Variants in TMEM163 observed in about 807,000 individuals in gnomAD.
TMEM163 encodes the protein transmembrane protein 163.
TMEM163 carries 17 observed loss-of-function variants against 29.3 expected under a neutral mutation model. The observed-to-expected ratio is 0.58, with a 90% CI of 0.40 to 0.87. The LOEUF (loss-of-function observed/expected upper bound fraction) is 0.87, where lower values mean the gene tolerates loss of function less well. TMEM163 is among the 40% of genes least tolerant of loss of function. The pLI, the probability that TMEM163 is intolerant of heterozygous loss-of-function variation, is 0.00. For missense variants in TMEM163, 303 were observed against 381.5 expected, an observed-to-expected ratio of 0.79 and a Z score of 1.71; for synonymous variants, 157 against 160.6, an observed-to-expected ratio of 0.98 and a Z score of 0.17.
intron 4 of TMEM163, among the ~76,000 whole-genome samples, chr2:134,545,938 CTCT>C (rs530398170): frequency 2.6e-5 from 4 of 152,174 alleles, no homozygotes; most frequent in South Asian, 2.1e-4. Flanking sequence ...ACTTTATTCT[CTCT>C]TCTTAGAACC....
chr2:134,531,639 T>C (rs1680418459), intron 4 of TMEM163, among the ~76,000 whole-genome samples: 1 of 152,126 alleles, frequency 6.6e-6, no homozygotes, highest in African/African-American at 2.4e-5. Context: ...TTATGAAGGA[T>C]TACAGAGGAT....
intron 2 of TMEM163, among the ~76,000 whole-genome samples, chr2:134,704,464 TTCCAGGTCCG>T (rs1418881549): frequency 1.3e-5 from 2 of 152,112 alleles, no homozygotes; most frequent in Non-Finnish European, 2.9e-5. Context: ...CCATCTCAGC[TTCCAGGTCCG>T]TGTGGGACAA....
At chr2:134,509,654 A>C (rs1449063050) in intron 4 of TMEM163, among the ~76,000 whole-genome samples, 2 of 152,270 alleles carry the variant, frequency 1.3e-5, no homozygotes, top group African/African-American at 4.8e-5. Context: ...TAAGGCAAAC[A>C]AAATCTATAC....
chr2:134,692,894 C>T (rs1684502216), intron 2 of TMEM163, among the ~76,000 whole-genome samples: 1 of 152,202 alleles, frequency 6.6e-6, no homozygotes. Context: ...TCCCAGGCTA[C>T]TTCACCCATC....
At chr2:134,508,197 T>A (rs1467414446) in intron 4 of TMEM163, among the ~76,000 whole-genome samples, 1 of 152,178 alleles carries the variant, frequency 6.6e-6, no homozygotes, top group Non-Finnish European at 1.5e-5. Context: ...TCTAGGTTAC[T>A]TCCTATCAGA....
chr2:134,704,435 C>G (rs1172537589), intron 2 of TMEM163, among the ~76,000 whole-genome samples: 1 of 152,094 alleles, frequency 6.6e-6, no homozygotes, highest in African/African-American at 2.4e-5. Context: ...TGGTCTGGTC[C>G]CCATGCTTCA....
chr2:134,609,774 C>A (rs1342919398), intron 2 of TMEM163, among the ~76,000 whole-genome samples: 2 of 77,756 alleles, frequency 2.6e-5, no homozygotes, highest in East Asian at 7.5e-4. Flanking sequence ...GAGAACTGTA[C>A]TGGTGAAAAG....
chr2:134,666,244 C>T (rs1396625236), intron 2 of TMEM163, among the ~76,000 whole-genome samples: 1 of 151,858 alleles, frequency 6.6e-6, no homozygotes, highest in Non-Finnish European at 1.5e-5. Context: ...TCATCTCCCC[C>T]AATCCTTTCC....
chr2:134,494,707 C>T (rs2106483852), intron 5 of TMEM163, among the ~76,000 whole-genome samples: 1 of 152,320 alleles, frequency 6.6e-6, no homozygotes, highest in East Asian at 1.9e-4. Context: ...TCTTAACAAT[C>T]CTATAAAGAA....
intron 4 of TMEM163, 93 bp from the exon 5 acceptor site, chr2:134,503,090 A>G: frequency 8.0e-7 from 1 of 1,251,770 alleles, no homozygotes; most frequent in Non-Finnish European, 1.1e-6. Context: ...ACAATCTGGG[A>G]ATGAACTCAA....
intron 2 of TMEM163, among the ~76,000 whole-genome samples, chr2:134,691,738 C>T (rs1684473707): frequency 2.0e-5 from 3 of 152,136 alleles, no homozygotes; most frequent in Admixed American, 1.3e-4. Flanking sequence ...TCTGCAGAGT[C>T]ACAAAGTGAC....
At position 134,705,974 on chromosome 2, in the gene TMEM163, C is replaced by T. The variant is rs559686490; in HGVS notation, c.322+7226G>A. ...CGCCACGGCTGTGCGACAGGGACAC[C>T]GGGTGCTAATGCACCCTGGCCACGC... is the stretch of plus-strand genomic sequence containing the variant. On this transcript the variant is annotated intron_variant, in intron 2 of 7. Transcript: ENST00000281924. Among the ~76,000 whole-genome samples the T allele has an allele frequency of 8.1e-4, 124 of 152,320 alleles. 1 individual carries two copies. The highest frequency in any genetic ancestry group is 7.4e-3 in the Admixed American group (113 of 15,306).
intron 4 of TMEM163, among the ~76,000 whole-genome samples, chr2:134,514,324 A>T (rs1298311017): frequency 6.6e-6 from 1 of 151,100 alleles, no homozygotes; most frequent in Non-Finnish European, 1.5e-5. Context: ...TTTTTGCTAC[A>T]CTGGAATAAA....
chr2:134,644,160 C>T (rs777932684), intron 2 of TMEM163, among the ~76,000 whole-genome samples: 2 of 151,920 alleles, frequency 1.3e-5, no homozygotes, highest in Non-Finnish European at 2.9e-5. Flanking sequence ...AATTGAAAGA[C>T]TAAACACAGT....
intron 5 of TMEM163, among the ~76,000 whole-genome samples, chr2:134,471,492 T>C (rs1458142632): frequency 1.3e-5 from 2 of 152,200 alleles, no homozygotes; most frequent in African/African-American, 2.4e-5. Context: ...TGCTGGCACA[T>C]TCATTGTGGA....
chr2:134,701,639 G>A (rs1004070964), intron 2 of TMEM163, among the ~76,000 whole-genome samples: 2 of 152,214 alleles, frequency 1.3e-5, no homozygotes, highest in African/African-American at 4.8e-5. Flanking sequence ...GCCAGGCGCA[G>A]TGGCTCATGC....
At chr2:134,641,798 G>C (rs1271301966) in intron 2 of TMEM163, among the ~76,000 whole-genome samples, 1 of 152,086 alleles carries the variant, frequency 6.6e-6, no homozygotes, top group Non-Finnish European at 1.5e-5. Flanking sequence ...TATAAGGATT[G>C]CATTTTTCAA....
intron 5 of TMEM163, among the ~76,000 whole-genome samples, chr2:134,475,335 A>T (rs1217814139): frequency 6.6e-6 from 1 of 152,172 alleles, no homozygotes; most frequent in Non-Finnish European, 1.5e-5. Flanking sequence ...ATAAATCCTG[A>T]TCCTTATTTC....
rs1685092333 is a variant in TMEM163 at position 134,718,633 on chromosome 2, C to T, written c.202+101G>A. ...AGTCGGGGCTCCGCGCCCCCGCGCG[C>T]TCCGAGCCCCGCGCCTCGCCCAGCG... On this transcript the variant is annotated intron_variant, in intron 1 of 7. Coordinates refer to ENST00000281924, the MANE Select transcript of TMEM163 (RefSeq NM_030923.5). 4 of 930,284 alleles carry T rather than the reference C, an allele frequency of 4.3e-6. No individual in the cohort carries two copies. The African/African-American group carries it at 7.1e-5, about 16-fold the overall frequency. 57.6% of individuals were successfully genotyped at this position (930,284 alleles called of 1,614,324 possible).
Sources: gnomAD v4.1 joint callset for allele counts (sites outside exome capture counted in the v4.1 genomes callset) on GRCh38, gnomAD v4.1.1 for gene constraint, MANE v1.5 for transcripts, NCBI Gene and HGNC (gene_info 2026-07-23, HGNC 2026-07-21) for gene names.